Variants in MAP3K20 observed in about 807,000 individuals in gnomAD.
The protein encoded by MAP3K20 is mitogen-activated protein kinase kinase kinase 20, also known as HCCS-4.
A neutral mutation model predicts 85.7 loss-of-function variants in MAP3K20; 40 were observed. That is an observed-to-expected ratio of 0.47 (90% CI 0.36 to 0.61). The LOEUF is 0.61. Ranked by LOEUF, MAP3K20 falls within the 20% of genes least tolerant of loss-of-function variation. MAP3K20 has a pLI of 0.00. For synonymous variants in MAP3K20, 325 were observed against 327.7 expected (o/e 0.99, Z 0.09); for missense variants, 817 against 961.7 (o/e 0.85, Z 1.99).
intron 7 of MAP3K20, among the ~76,000 whole-genome samples, chr2:173,196,946 T>C (rs1013093441): frequency 1.1e-4 from 10 of 91,358 alleles, no homozygotes; most frequent in African/African-American, 3.7e-4. Flanking sequence ...ACTGACTGTC[T>C]TTGGGCAAGT....
At chr2:173,233,510 G>A (rs974613101) in intron 14 of MAP3K20, among the ~76,000 whole-genome samples, 1 of 152,176 alleles carries the variant, frequency 6.6e-6, no homozygotes, top group African/African-American at 2.4e-5. Flanking sequence ...TGTGGTCATT[G>A]TGACTAATCT....
At chr2:173,202,135 T>A (rs1259839158) in intron 8 of MAP3K20, among the ~76,000 whole-genome samples, 1 of 152,204 alleles carries the variant, frequency 6.6e-6, no homozygotes, top group African/African-American at 2.4e-5. Context: ...TTTAAAAAAG[T>A]AAACACCTGA....
chr2:173,252,740 C>G (rs1422047204), intron 16 of MAP3K20, among the ~76,000 whole-genome samples: 1 of 152,136 alleles, frequency 6.6e-6, no homozygotes, highest in East Asian at 1.9e-4. Flanking sequence ...GCACTTGTGC[C>G]CCACCACTTG....
chr2:173,106,521 A>G (rs1213357852), intron 2 of MAP3K20, among the ~76,000 whole-genome samples: 1 of 152,232 alleles, frequency 6.6e-6, no homozygotes, highest in African/African-American at 2.4e-5. Context: ...AGGGAAATGT[A>G]GTATGGTTGC....
chr2:173,222,433 C>T, intron 11 of MAP3K20: 1 of 985,796 alleles, frequency 1.0e-6, no homozygotes, highest in Non-Finnish European at 1.2e-6. Context: ...AACTTTCATA[C>T]CACTGCTGGC....
intron 11 of MAP3K20, among the ~76,000 whole-genome samples, chr2:173,220,023 G>C (rs1684192862): frequency 7.2e-6 from 1 of 138,070 alleles, no homozygotes; most frequent in Non-Finnish European, 1.5e-5. Flanking sequence ...AGCTGAGATA[G>C]TGCCACTGCA....
At chr2:173,231,545 G>C (rs1226592487) in intron 12 of MAP3K20, among the ~76,000 whole-genome samples, 1 of 152,224 alleles carries the variant, frequency 6.6e-6, no homozygotes, top group Admixed American at 6.5e-5. Context: ...CTGAGGCTGA[G>C]TGGCTTCCAG....
At position 173,187,556 on chromosome 2, in the gene MAP3K20, A is replaced by G; in HGVS notation, c.350-2A>G. 1 of 1,595,524 alleles carries G rather than the reference A, an allele frequency of 6.3e-7. No individual in the cohort carries two copies. Among genetic ancestry groups the G allele is most frequent in the Non-Finnish European group, 8.5e-7 (1 of 1,174,122 alleles). Reference sequence around the variant, plus strand: ...GGCCTTTATTTCTTCTTGTGTGAAAAGGAATGCATTATTTACATATGGAGG... The same window carrying G: ...GGCCTTTATTTCTTCTTGTGTGAAAGGGAATGCATTATTTACATATGGAGG... On this transcript the variant is annotated splice_acceptor_variant, in intron 4 of 19. Transcript: ENST00000375213. LOFTEE classifies it high-confidence loss of function.
intron 11 of MAP3K20, chr2:173,225,391 C>T (rs1213417470): frequency 8.0e-6 from 2 of 250,080 alleles, no homozygotes; most frequent in Non-Finnish European, 1.3e-5. Context: ...GTCAGGGGTT[C>T]GAGACCAGCC....
At chr2:173,148,460 A>C (rs188816326) in intron 2 of MAP3K20, among the ~76,000 whole-genome samples, 1 of 152,220 alleles carries the variant, frequency 6.6e-6, no homozygotes, top group Admixed American at 6.5e-5. Flanking sequence ...TTATTCCACT[A>C]TCTCCTGATA....
At chr2:173,159,709 G>C (rs971977318) in intron 2 of MAP3K20, among the ~76,000 whole-genome samples, 3 of 152,172 alleles carry the variant, frequency 2.0e-5, no homozygotes, top group Non-Finnish European at 2.9e-5. Flanking sequence ...CATGTTATCA[G>C]TGACATTCTG....
chr2:173,239,592 G>A (rs191487903), intron 16 of MAP3K20, 96 bp downstream of exon 16: 23 of 1,076,766 alleles, frequency 2.1e-5, no homozygotes, highest in Non-Finnish European at 2.8e-5. Flanking sequence ...CTACCAGCTG[G>A]TAACTGGATT....
chr2:173,169,983 A>T lies in MAP3K20; in HGVS notation c.247+91A>T. On this transcript the variant is annotated intron_variant, in intron 3 of 19. Transcript: ENST00000375213. ...AAAATGCTTAATATTAGGCTCAGTT[A>T]TGAATTGTGTGTTACTGTCAGATGT... 2.5e-6 allele frequency: 3 copies of T among 1,194,802 alleles called. No individual in the cohort carries two copies. The South Asian group carries it at 3.8e-5, about 15-fold the overall frequency. The allele number at this position is 1,194,802 out of a possible 1,614,324, so 74.0% of individuals were successfully genotyped here. A position where few individuals can be genotyped will look rare whatever the true frequency, so the allele number is the denominator to read the frequency against.
intron 2 of MAP3K20, among the ~76,000 whole-genome samples, chr2:173,124,024 T>C (rs1688371492): frequency 6.6e-6 from 1 of 152,198 alleles, no homozygotes; most frequent in African/African-American, 2.4e-5. Context: ...AGACCTTGTT[T>C]CTGTTGGCAC....
chr2:173,080,167 C>T (rs1443514345), intron 1 of MAP3K20, among the ~76,000 whole-genome samples: 1 of 152,186 alleles, frequency 6.6e-6, no homozygotes, highest in Non-Finnish European at 1.5e-5. Context: ...TATGGGATCG[C>T]TGTTATATAT....
chr2:173,266,924 ATGGATAT>A lies in MAP3K20; in HGVS notation c.*178_*184del. On this transcript the variant is annotated 3_prime_UTR_variant, in exon 20 of 20. Coordinates refer to ENST00000375213, the MANE Select transcript of MAP3K20 (RefSeq NM_016653.3). ...CTATAGCCAAACCAGGGCCAAAATT[ATGGATAT>A]TGGTCACCCAGTGATCATAACTAGG... The A allele has an allele frequency of 1.9e-6, 1 of 534,182 alleles. No homozygotes were observed. Among genetic ancestry groups the A allele is most frequent in the Non-Finnish European group, 3.1e-6 (1 of 326,614 alleles). The allele number at this position is 534,182 out of a possible 1,614,324, so 33.1% of individuals were successfully genotyped here.
chr2:173,230,013 G>A (rs777293761), intron 12 of MAP3K20, among the ~76,000 whole-genome samples: 5 of 152,118 alleles, frequency 3.3e-5, no homozygotes, highest in Non-Finnish European at 7.4e-5. Flanking sequence ...TGTATTTTTA[G>A]TAGAGATGGC....
intron 3 of MAP3K20, among the ~76,000 whole-genome samples, chr2:173,180,711 G>A (rs1690299920): frequency 1.3e-5 from 2 of 151,808 alleles, no homozygotes. Context: ...AAAAATTAGA[G>A]CCACACCTCA....
At chr2:173,257,700 A>T (rs569278946) in intron 16 of MAP3K20, among the ~76,000 whole-genome samples, 1 of 152,156 alleles carries the variant, frequency 6.6e-6, no homozygotes, top group South Asian at 2.1e-4. Context: ...TAGAATAGGC[A>T]TATATTTGGT....
Sources: allele counts gnomAD v4.1 joint callset (sites outside exome capture counted in the v4.1 genomes callset), GRCh38; gene constraint gnomAD v4.1.1; transcripts MANE v1.5; gene names NCBI Gene and HGNC (gene_info 2026-07-23, HGNC 2026-07-21).